Variants in SNX9 observed in about 807,000 individuals in gnomAD.
SNX9 encodes the protein sorting nexin-9.
A neutral mutation model predicts 89.4 loss-of-function variants in SNX9; 44 were observed. That is an observed-to-expected ratio of 0.49 (90% CI 0.39 to 0.63). The LOEUF (loss-of-function observed/expected upper bound fraction) is 0.63, where lower values mean the gene tolerates loss of function less well. Among genes scored for constraint, SNX9 ranks in the 30% least tolerant of loss-of-function variants. The probability of loss-of-function intolerance (pLI) is 0.00; values close to 1 mark genes in which losing one functional copy is unlikely to be tolerated. For missense variants in SNX9, 578 were observed against 736.1 expected, an observed-to-expected ratio of 0.79 and a Z score of 2.49; for synonymous variants, 236 against 247.8, an observed-to-expected ratio of 0.95 and a Z score of 0.45.
chr6:157,857,860 A>G (rs1357925095), intron 1 of SNX9, among the ~76,000 whole-genome samples: 2 of 152,270 alleles, frequency 1.3e-5, no homozygotes, highest in East Asian at 1.9e-4. Context: ...ATCCATTTGT[A>G]TTGTATAACA....
chr6:157,875,508 G>A (rs553196693), intron 4 of SNX9, among the ~76,000 whole-genome samples: 44 of 152,294 alleles, frequency 2.9e-4, no homozygotes, highest in African/African-American at 9.9e-4. Flanking sequence ...GGAGGCTCTT[G>A]TTGTTGAGGA....
intron 1 of SNX9, among the ~76,000 whole-genome samples, chr6:157,831,047 C>T (rs889164318): frequency 1.3e-5 from 2 of 152,156 alleles, no homozygotes; most frequent in African/African-American, 2.4e-5. Context: ...TATTTCAAAT[C>T]TGCTTATCAT....
intron 5 of SNX9, among the ~76,000 whole-genome samples, chr6:157,899,666 C>T (rs369415193): frequency 9.9e-5 from 15 of 151,890 alleles, no homozygotes; most frequent in East Asian, 9.7e-4. Context: ...CCCAGCTACT[C>T]GGGAAGCTGA....
intron 1 of SNX9, among the ~76,000 whole-genome samples, chr6:157,828,309 G>GCAGTTTTTCTGCAA (rs987023617): frequency 3.3e-5 from 5 of 149,940 alleles, no homozygotes; most frequent in African/African-American, 1.0e-4. Context: ...TAAAAATGTT[G>GCAGTTTTTCTGCAA]CAGTTTTTCT....
At chr6:157,903,694 G>T (rs1021474056) in intron 6 of SNX9, among the ~76,000 whole-genome samples, 2 of 152,174 alleles carry the variant, frequency 1.3e-5, no homozygotes, top group Non-Finnish European at 2.9e-5. Flanking sequence ...GCTCATGCCT[G>T]GGGGTCTCTG....
At chr6:157,826,872 TTATA>T (rs1194419544) in intron 1 of SNX9, among the ~76,000 whole-genome samples, 9 of 113,718 alleles carry the variant, frequency 7.9e-5, no homozygotes, top group Non-Finnish European at 6.4e-5. Flanking sequence ...ATATTATAGT[TTATA>T]TAATATATAA....
At chr6:157,932,722 C>T (rs185267280) in intron 13 of SNX9, among the ~76,000 whole-genome samples, 1 of 151,452 alleles carries the variant, frequency 6.6e-6, no homozygotes, top group East Asian at 2.0e-4. Flanking sequence ...AAAAAATTAG[C>T]CACGTGTGGT....
chr6:157,937,649 G>T, intron 15 of SNX9, 126 bp downstream of exon 15: 2 of 679,688 alleles, frequency 2.9e-6, no homozygotes, highest in African/African-American at 1.9e-5. Flanking sequence ...CCATTAGAAA[G>T]GTTTTGTAAC....
At chr6:157,832,688 A>G (rs2115105781) in intron 1 of SNX9, among the ~76,000 whole-genome samples, 1 of 152,322 alleles carries the variant, frequency 6.6e-6, no homozygotes, top group Non-Finnish European at 1.5e-5. Context: ...TGCCGAGCAA[A>G]AGGGGGAAAA....
intron 1 of SNX9, among the ~76,000 whole-genome samples, chr6:157,834,710 G>C (rs1781550959): frequency 6.6e-6 from 1 of 152,014 alleles, no homozygotes; most frequent in Non-Finnish European, 1.5e-5. Context: ...GCCCATCTGA[G>C]CACGTGGGTT....
chr6:157,885,818 T>C (rs1392535920), intron 4 of SNX9, among the ~76,000 whole-genome samples: 1 of 152,166 alleles, frequency 6.6e-6, no homozygotes, highest in African/African-American at 2.4e-5. Flanking sequence ...GATGGGATGA[T>C]CTGTACTGAC....
intron 3 of SNX9, among the ~76,000 whole-genome samples, chr6:157,873,818 G>C (rs1782466544): frequency 6.6e-6 from 1 of 151,972 alleles, no homozygotes; most frequent in Non-Finnish European, 1.5e-5. Context: ...CTGCTGTGGG[G>C]ATCTCCTGGG....
chr6:157,849,423 T>C (rs1240682350), intron 1 of SNX9, among the ~76,000 whole-genome samples: 1 of 152,216 alleles, frequency 6.6e-6, no homozygotes, highest in Non-Finnish European at 1.5e-5. Context: ...TGGGCTTTCT[T>C]GTAAGAGCTG....
intron 6 of SNX9, among the ~76,000 whole-genome samples, chr6:157,905,104 G>A (rs1783183221): frequency 6.6e-6 from 1 of 152,164 alleles, no homozygotes; most frequent in Non-Finnish European, 1.5e-5. Flanking sequence ...CTACCTAAGT[G>A]TTGGAGTCAG....
At chr6:157,839,037 A>G (rs1179172119) in intron 1 of SNX9, among the ~76,000 whole-genome samples, 1 of 152,184 alleles carries the variant, frequency 6.6e-6, no homozygotes, top group African/African-American at 2.4e-5. Context: ...TATTCTAGAG[A>G]AGGGATTCCC....
intron 10 of SNX9, chr6:157,924,352 C>T (rs1783645859): frequency 6.6e-6 from 1 of 152,126 alleles, no homozygotes; most frequent in South Asian, 2.1e-4. Context: ...TTCCCTTGGC[C>T]ACATGTGCTG....
intron 4 of SNX9, chr6:157,885,304 A>G (rs149040285): frequency 6.6e-6 from 1 of 152,312 alleles, no homozygotes; most frequent in African/African-American, 2.4e-5. Flanking sequence ...TTTTAGAAGA[A>G]TGTACAAGTT....
chr6:157,835,559 G>T (rs1021814820), intron 1 of SNX9, among the ~76,000 whole-genome samples: 1 of 151,720 alleles, frequency 6.6e-6, no homozygotes, highest in Non-Finnish European at 1.5e-5. Context: ...ATATGGTTAG[G>T]CTTCGTGTCC....
intron 7 of SNX9, among the ~76,000 whole-genome samples, chr6:157,906,630 A>G (rs1360068440): frequency 6.6e-6 from 1 of 152,182 alleles, no homozygotes; most frequent in East Asian, 1.9e-4. Context: ...GTTTTTGGTA[A>G]TAGTGTTTTT....
Sources: allele counts gnomAD v4.1 joint callset (sites outside exome capture counted in the v4.1 genomes callset), GRCh38; gene constraint gnomAD v4.1.1; transcripts MANE v1.5; gene names NCBI Gene and HGNC (gene_info 2026-07-23, HGNC 2026-07-21).